SYN3: variants seen among roughly 807,000 people sequenced by gnomAD.
SYN3 encodes the protein synapsin-3.
In SYN3, 35 loss-of-function variants were observed where a neutral mutation model predicts 65.8. The observed-to-expected ratio is 0.53, with a 90% CI of 0.41 to 0.70. SYN3 has a LOEUF of 0.70. SYN3 is among the 30% of genes least tolerant of loss of function. SYN3 has a pLI of 0.00. For missense variants in SYN3, 680 were observed against 749.0 expected, an observed-to-expected ratio of 0.91 and a Z score of 1.08; for synonymous variants, 270 against 292.9, an observed-to-expected ratio of 0.92 and a Z score of 0.80.
At chr22:32,626,421 G>A (rs776692314) in intron 6 of SYN3, among the ~76,000 whole-genome samples, 3 of 152,188 alleles carry the variant, frequency 2.0e-5, no homozygotes, top group African/African-American at 4.8e-5. Context: ...GGCTCTGATC[G>A]TCCTGGTAGA....
At position 32,787,024 on chromosome 22, in the gene SYN3, G is replaced by T. The variant is rs116157582; in HGVS notation, c.711+77891C>A. The stretch of plus-strand genomic sequence containing the variant: ...CTACCCATACTTCAGCATCCCGAAT[G>T]TGCCAACTTCTTTTTTTTCCTTTCT... On this transcript the variant is annotated intron_variant, in intron 6 of 13. Transcript: ENST00000358763. Among the ~76,000 whole-genome samples, 1,164 of 150,480 alleles carry T rather than the reference G, an allele frequency of 7.7e-3. 11 individuals carry two copies. The highest frequency in any genetic ancestry group is 0.025 in the African/African-American group (1,020 of 40,918).
At chr22:32,710,075 G>GCACA (rs55879257) in intron 6 of SYN3, among the ~76,000 whole-genome samples, 24,056 of 131,034 alleles carry the variant, frequency 0.18, 2,828 homozygotes, top group Non-Finnish European at 0.26. Context: ...ATATATATAT[G>GCACA]CACACACACA....
intron 6 of SYN3, among the ~76,000 whole-genome samples, chr22:32,705,169 G>C (rs962965315): frequency 1.3e-5 from 2 of 152,086 alleles, no homozygotes; most frequent in East Asian, 1.9e-4. Context: ...TTGTCTTCCA[G>C]GATTTTTATA....
chr22:33,012,827 G>C (rs1282432146), intron 1 of SYN3, among the ~76,000 whole-genome samples: 1 of 152,274 alleles, frequency 6.6e-6, no homozygotes, highest in Non-Finnish European at 1.5e-5. Context: ...CTCCATGCCA[G>C]GTGGCGTGGG....
intron 1 of SYN3, among the ~76,000 whole-genome samples, chr22:33,013,435 C>A (rs1439212888): frequency 1.3e-5 from 2 of 152,102 alleles, no homozygotes; most frequent in Non-Finnish European, 2.9e-5. Context: ...TTAAAAATTT[C>A]ATTTTCAATT....
rs541015794 is a variant in SYN3 at position 32,754,558 on chromosome 22, G to C, written c.711+110357C>G. On this transcript the variant is annotated intron_variant, in intron 6 of 13. Coordinates refer to ENST00000358763, the MANE Select transcript of SYN3 (RefSeq NM_003490.4). ...CATCCTCTCCTGCTGCCGCAGACCT[G>C]ATATGTGAAGAGTTGGTCCTGAGCA... is the stretch of plus-strand genomic sequence containing the variant. Among the ~76,000 whole-genome samples the C allele has an allele frequency of 1.3e-5, 2 of 152,334 alleles. 1 individual carries two copies. Among genetic ancestry groups the C allele is most frequent in the East Asian group, 3.9e-4 (2 of 5,184 alleles).
At chr22:32,693,131 A>T (rs2060688536) in intron 6 of SYN3, among the ~76,000 whole-genome samples, 1 of 152,212 alleles carries the variant, frequency 6.6e-6, no homozygotes, top group Admixed American at 6.5e-5. Flanking sequence ...ATGAAGTTTA[A>T]TTTATAAATT....
intron 6 of SYN3, among the ~76,000 whole-genome samples, chr22:32,800,479 C>T (rs1405619185): frequency 6.6e-6 from 1 of 152,204 alleles, no homozygotes; most frequent in East Asian, 1.9e-4. Flanking sequence ...CTTGTGCTTG[C>T]TTTTCCTACC....
At chr22:32,999,449 C>T (rs1289696502) in intron 2 of SYN3, among the ~76,000 whole-genome samples, 1 of 152,180 alleles carries the variant, frequency 6.6e-6, no homozygotes, top group African/African-American at 2.4e-5. Flanking sequence ...CTCCGGGAGG[C>T]CGAGGCAGGC....
At chr22:33,001,945 A>T (rs2053071761) in intron 2 of SYN3, among the ~76,000 whole-genome samples, 1 of 152,198 alleles carries the variant, frequency 6.6e-6, no homozygotes, top group Non-Finnish European at 1.5e-5. Context: ...GCCAGGGATA[A>T]CACAGCTAGC....
chr22:32,924,510 A>G (rs181757422), intron 4 of SYN3, among the ~76,000 whole-genome samples: 21 of 152,332 alleles, frequency 1.4e-4, no homozygotes, highest in African/African-American at 5.1e-4. Flanking sequence ...AGCATCCAGG[A>G]GCTTGTTCAC....
chr22:32,878,420 T>C (rs969904792), intron 4 of SYN3, among the ~76,000 whole-genome samples: 12 of 152,200 alleles, frequency 7.9e-5, no homozygotes, highest in African/African-American at 2.9e-4. Flanking sequence ...CAATGCCTCA[T>C]GCTTGAGACA....
At chr22:32,967,297 T>C (rs775363148) in intron 3 of SYN3, among the ~76,000 whole-genome samples, 8 of 152,176 alleles carry the variant, frequency 5.3e-5, no homozygotes, top group Non-Finnish European at 8.8e-5. Context: ...GGGTCCAGTT[T>C]AGGTTGAATT....
chr22:32,670,209 G>A (rs1024598396), intron 6 of SYN3, among the ~76,000 whole-genome samples: 19 of 151,962 alleles, frequency 1.3e-4, no homozygotes, highest in African/African-American at 3.6e-4. Context: ...TAACTTATAC[G>A]CTTCTAAGTT....
Position 32,604,083 on chromosome 22 carries a change from A to T in SYN3, c.712-7347T>A, listed in dbSNP as rs7364201. On this transcript the variant is annotated intron_variant, in intron 6 of 13. Coordinates refer to ENST00000358763, the MANE Select transcript of SYN3 (RefSeq NM_003490.4). ...AGTCACAGCCGCATCCTCAATCCAC[A>T]GAGTCAGAGAAACAGGACTTTAGAG... is the stretch of plus-strand genomic sequence containing the variant. Among the ~76,000 whole-genome samples, 9 of 152,244 alleles carry T rather than the reference A, an allele frequency of 5.9e-5. No individual in the cohort carries two copies. In the East Asian group the frequency reaches 1.7e-3, roughly 30 times the overall value.
chr22:32,890,701 G>A (rs527259115), intron 4 of SYN3, among the ~76,000 whole-genome samples: 2 of 152,052 alleles, frequency 1.3e-5, no homozygotes, highest in Non-Finnish European at 2.9e-5. Context: ...TTTTTAACCT[G>A]TTTTTTCACA....
chr22:32,863,366 G>A (rs1359867523), intron 6 of SYN3, among the ~76,000 whole-genome samples: 1 of 152,196 alleles, frequency 6.6e-6, no homozygotes, highest in African/African-American at 2.4e-5. Context: ...AGCCCTCCTT[G>A]TTTTCTTCCT....
intron 6 of SYN3, among the ~76,000 whole-genome samples, chr22:32,805,246 C>T (rs990328571): frequency 2.0e-5 from 3 of 152,094 alleles, no homozygotes; most frequent in Non-Finnish European, 2.9e-5. Context: ...GCTGGGGGGC[C>T]GGCTGCCAGC....
At chr22:32,848,493 A>G (rs1834681257) in intron 6 of SYN3, among the ~76,000 whole-genome samples, 1 of 152,218 alleles carries the variant, frequency 6.6e-6, no homozygotes, top group Non-Finnish European at 1.5e-5. Flanking sequence ...AGAGCAGTAA[A>G]TAAGTGAAAT....
Sources: gnomAD v4.1 joint callset for allele counts (sites outside exome capture counted in the v4.1 genomes callset) on GRCh38, gnomAD v4.1.1 for gene constraint, MANE v1.5 for transcripts, NCBI Gene and HGNC (gene_info 2026-07-23, HGNC 2026-07-21) for gene names.